Variants in SLC27A6 observed in about 807,000 individuals in gnomAD.
SLC27A6 encodes the protein solute carrier family 27 member 6, also known as long-chain fatty acid transport protein 6.
A neutral mutation model predicts 63.9 loss-of-function variants in SLC27A6; 74 were observed. The observed-to-expected ratio is 1.16, with a 90% CI of 0.96 to 1.40. The LOEUF (loss-of-function observed/expected upper bound fraction) is 1.40, where lower values mean the gene tolerates loss of function less well. Ranked by LOEUF, SLC27A6 falls within the 40% of genes most tolerant of loss-of-function variation. SLC27A6 has a pLI of 0.00. For synonymous variants in SLC27A6, 287 were observed against 260.8 expected (o/e 1.10, Z -0.97); for missense variants, 794 against 732.9 (o/e 1.08, Z -0.96).
chr5:129,026,345 C>T (rs1752244688), intron 6 of SLC27A6, among the ~76,000 whole-genome samples: 1 of 152,012 alleles, frequency 6.6e-6, no homozygotes, highest in South Asian at 2.1e-4. Context: ...TGAGAAAAAC[C>T]TTAATTAATT....
chr5:128,975,579 A>G (rs990108242), intron 1 of SLC27A6, among the ~76,000 whole-genome samples: 3 of 152,164 alleles, frequency 2.0e-5, no homozygotes, highest in African/African-American at 7.2e-5. Context: ...GAAAACAGAA[A>G]TGGTACAGTA....
rs1445278697 is a variant in SLC27A6, at chr5:128,988,675, C to G, written c.761C>G (p.Thr254Ser). The part of the protein sequence containing the change: ...GSAVLWAFGC[T>S]AHDIVYITLP... Reference sequence around the variant, plus strand: ...GCTGTCCTGTGGGCTTTTGGTTGTACTGCTCATGACATTGTTTATATAACC... The same window carrying G: ...GCTGTCCTGTGGGCTTTTGGTTGTAGTGCTCATGACATTGTTTATATAACC... Residue 254 changes from threonine to serine, a missense_variant, in exon 3 of 10, where the codon ACT becomes AGT. By Grantham distance (58) the Thr-to-Ser change is moderately conservative. Transcript: ENST00000262462. 6.2e-7 allele frequency: 1 copy of G among 1,613,752 alleles called. No homozygotes were observed.
rs1752272240 is a variant in SLC27A6, at chr5:129,027,177, T to C, written c.1300T>C (p.Phe434Leu). 6.2e-7 allele frequency: 1 copy of C among 1,613,356 alleles called. No individual in the cohort carries two copies. Among genetic ancestry groups the C allele is most frequent in the South Asian group, 1.1e-5 (1 of 91,070 alleles). ...LISRVNAKNP[F>L]FGYAGPYKHT... ...TTCTCGAGTGAATGCAAAAAATCCC[T>C]TCTTTGGCTATGCTGGGCCTTATAA... Residue 434 changes from phenylalanine (F) to leucine (L), a missense_variant, in exon 7 of 10, where the codon TTC becomes CTC. By Grantham distance (22) the Phe-to-Leu change is conservative (BLOSUM62 0). Coordinates refer to ENST00000262462, the MANE Select transcript of SLC27A6 (RefSeq NM_001017372.3).
intron 4 of SLC27A6, among the ~76,000 whole-genome samples, chr5:129,001,208 T>C (rs1751321174): frequency 6.6e-6 from 1 of 152,130 alleles, no homozygotes; most frequent in Non-Finnish European, 1.5e-5. Flanking sequence ...TACCAAATCC[T>C]TTCTTAAAAG....
intron 4 of SLC27A6, among the ~76,000 whole-genome samples, chr5:128,998,697 A>G (rs1751238690): frequency 6.6e-6 from 1 of 152,196 alleles, no homozygotes; most frequent in Non-Finnish European, 1.5e-5. Flanking sequence ...ACTTATGTCC[A>G]GGATTATTTC....
rs79517308 is a variant in SLC27A6 at position 128,985,840 on chromosome 5, C to T, written c.685+504C>T. Among the ~76,000 whole-genome samples the T allele has an allele frequency of 5.9e-4, 90 of 152,168 alleles. 1 individual carries two copies. In the East Asian group the frequency reaches 0.013, roughly 22 times the overall value. ...AATCCTAAACATAATCCAGGTATAC[C>T]GGCAATTTAAGCACCTGTTGCTGGC... On this transcript the variant is annotated intron_variant, in intron 2 of 9. Coordinates refer to ENST00000262462, the MANE Select transcript of SLC27A6 (RefSeq NM_001017372.3).
chr5:128,995,900 A>G, intron 4 of SLC27A6, among the ~76,000 whole-genome samples: 1 of 152,218 alleles, frequency 6.6e-6, no homozygotes, highest in East Asian at 1.9e-4. Context: ...GACTTGTTAG[A>G]TCAAGGATAG....
intron 7 of SLC27A6, among the ~76,000 whole-genome samples, chr5:129,027,841 A>G (rs1029337156): frequency 1.5e-4 from 23 of 152,190 alleles, no homozygotes; most frequent in African/African-American, 5.5e-4. Flanking sequence ...ACTTTATATA[A>G]AATTATTTCA....
At chr5:129,000,410 A>C (rs1751294684) in intron 4 of SLC27A6, among the ~76,000 whole-genome samples, 1 of 152,176 alleles carries the variant, frequency 6.6e-6, no homozygotes, top group South Asian at 2.1e-4. Context: ...TATTTAAACA[A>C]AAGAGAGTAG....
chr5:129,033,385 T>C lies in SLC27A6; in HGVS notation c.*103T>C, dbSNP rs1752472209. ...AAAGGGAGCTAACATTAATTATGCA[T>C]GTACTATATTTCCTTAATATGAGAG... is the stretch of plus-strand genomic sequence containing the variant. On this transcript the variant is annotated 3_prime_UTR_variant, in exon 10 of 10. Coordinates refer to ENST00000262462, the MANE Select transcript of SLC27A6 (RefSeq NM_001017372.3). The C allele has an allele frequency of 1.7e-6, 1 of 582,692 alleles. No homozygotes were observed. Among genetic ancestry groups the C allele is most frequent in the Non-Finnish European group, 2.9e-6 (1 of 346,758 alleles). 36.1% of individuals were successfully genotyped at this position (582,692 alleles called of 1,614,324 possible). A position where few individuals can be genotyped will look rare whatever the true frequency, so the allele number is the denominator to read the frequency against.
intron 1 of SLC27A6, among the ~76,000 whole-genome samples, chr5:128,971,761 C>T (rs902237970): frequency 6.6e-6 from 1 of 152,132 alleles, no homozygotes; most frequent in Non-Finnish European, 1.5e-5. Flanking sequence ...AGTCCATTTA[C>T]ATTTAATGCT....
At chr5:129,002,433 A>C (rs1751369024) in intron 4 of SLC27A6, among the ~76,000 whole-genome samples, 1 of 113,306 alleles carries the variant, frequency 8.8e-6, no homozygotes, top group African/African-American at 3.1e-5. Context: ...TTTCCTCCCC[A>C]CTCCCTCCAT....
chr5:129,017,119 C>A (rs982247648), intron 5 of SLC27A6, among the ~76,000 whole-genome samples: 2 of 151,950 alleles, frequency 1.3e-5, no homozygotes, highest in African/African-American at 4.8e-5. Context: ...TATGAAAGAC[C>A]CTGCATCTAA....
intron 4 of SLC27A6, among the ~76,000 whole-genome samples, chr5:129,005,615 T>TA (rs1367908348): frequency 7.1e-6 from 1 of 140,224 alleles, no homozygotes; most frequent in East Asian, 2.1e-4. Context: ...TGTATTTTTT[T>TA]TTTTTTTTTT....
At chr5:128,992,836 G>A (rs1751028639) in intron 4 of SLC27A6, among the ~76,000 whole-genome samples, 2 of 152,126 alleles carry the variant, frequency 1.3e-5, no homozygotes, top group African/African-American at 4.8e-5. Flanking sequence ...AACACAGTAG[G>A]TGCTACCTAG....
rs563196899 is a variant in SLC27A6, at chr5:129,006,866, A to T, written c.970-9019A>T. On this transcript the variant is annotated intron_variant, in intron 4 of 9. Transcript: ENST00000262462. ...AGCTTAAAGATGTTTGTAAAATTTT[A>T]GACTTTTATTAATTGAAGACCTTTT... Among the ~76,000 whole-genome samples, 8 of 152,310 alleles carry T rather than the reference A, an allele frequency of 5.3e-5. No homozygotes were observed. The East Asian group carries it at 1.5e-3, about 29-fold the overall frequency.
intron 1 of SLC27A6, among the ~76,000 whole-genome samples, chr5:128,968,807 C>T (rs1750015722): frequency 6.6e-6 from 1 of 152,024 alleles, no homozygotes; most frequent in African/African-American, 2.4e-5. Context: ...GTTGCCATTG[C>T]TTTTGGTGTT....
intron 1 of SLC27A6, 30 bp from the exon 2 acceptor site, chr5:128,985,103 C>T (rs1210046987): frequency 6.5e-7 from 1 of 1,550,070 alleles, no homozygotes; most frequent in African/African-American, 1.4e-5. Flanking sequence ...TTAAGGTTTG[C>T]TTAACTCTTC....
intron 4 of SLC27A6, among the ~76,000 whole-genome samples, chr5:128,998,700 A>G (rs1751238842): frequency 6.6e-6 from 1 of 152,122 alleles, no homozygotes; most frequent in Non-Finnish European, 1.5e-5. Flanking sequence ...TATGTCCAGG[A>G]TTATTTCTTT....
Sources: gnomAD v4.1 joint callset for allele counts (sites outside exome capture counted in the v4.1 genomes callset) on GRCh38, gnomAD v4.1.1 for gene constraint, MANE v1.5 for transcripts, NCBI Gene and HGNC (gene_info 2026-07-23, HGNC 2026-07-21) for gene names.